The following DCUN1D2 variants were observed in gnomAD, a reference collection of about 807,000 sequenced individuals.
DCUN1D2 encodes the protein defective in cullin neddylation 1 domain containing 2.
DCUN1D2 carries 29 observed loss-of-function variants against 30.9 expected under a neutral mutation model. That is an observed-to-expected ratio of 0.94 (90% confidence interval 0.70 to 1.28). The LOEUF (loss-of-function observed/expected upper bound fraction) is 1.28, where lower values mean the gene tolerates loss of function less well. Among genes scored for constraint, DCUN1D2 ranks in the 50% most tolerant of loss-of-function variants. The pLI, the probability that DCUN1D2 is intolerant of heterozygous loss-of-function variation, is 0.00. For missense variants in DCUN1D2, 325 were observed against 316.9 expected (o/e 1.03, Z -0.19); for synonymous variants, 121 against 115.3 (o/e 1.05, Z -0.32).
At chr13:113,460,167 G>A (rs2044295507) in intron 5 of DCUN1D2, among the ~76,000 whole-genome samples, 1 of 152,170 alleles carries the variant, frequency 6.6e-6, no homozygotes, top group Non-Finnish European at 1.5e-5. Context: ...TCTCTCCATG[G>A]CAAACCCACA....
In DCUN1D2 at chr13:113,490,483, C is replaced by T; in HGVS notation, c.3+184G>A. The T allele has an allele frequency of 3.3e-6, 2 of 610,874 alleles. No individual in the cohort carries two copies. Among genetic ancestry groups the T allele is most frequent in the Non-Finnish European group, 4.7e-6 (2 of 421,934 alleles). The allele number at this position is 610,874 out of a possible 1,614,324, so 37.8% of individuals were successfully genotyped here. A position where few individuals can be genotyped will look rare whatever the true frequency, so the allele number is the denominator to read the frequency against. ...GTCAAACCCGCGCTCCCCGCGGTCC[C>T]GCGCCTCCGACGCCACCGCTCCGGC... On this transcript the variant is annotated intron_variant, in intron 1 of 6. Coordinates refer to ENST00000478244, the MANE Select transcript of DCUN1D2 (RefSeq NM_001014283.2). This position sits in a 1 kb window ranked among gnomAD's most constrained non-coding sequence, Gnocchi z 5.2.
intron 2 of DCUN1D2, among the ~76,000 whole-genome samples, chr13:113,482,936 C>T (rs751138347): frequency 5.3e-5 from 8 of 151,954 alleles, no homozygotes; most frequent in Non-Finnish European, 1.2e-4. Context: ...AGCAAGACTC[C>T]GTCACATAAA....
At chr13:113,472,206 A>T (rs2044531095) in intron 4 of DCUN1D2, among the ~76,000 whole-genome samples, 1 of 152,176 alleles carries the variant, frequency 6.6e-6, no homozygotes, top group Non-Finnish European at 1.5e-5. Flanking sequence ...GGAGAAGGGA[A>T]ACACAGCTGC....
In DCUN1D2 at chr13:113,490,363, G is replaced by T; in HGVS notation, c.3+304C>A. ...GCCGCCCTGGGAAGCCCCCGGCCTG[G>T]GTTCCCGCTCGGCCCCGGCCCCTGC... On this transcript the variant is annotated intron_variant, in intron 1 of 6. Transcript: ENST00000478244. The surrounding 1 kb of genome is among the most constrained non-coding windows in gnomAD (Gnocchi z 5.2). 3.5e-6 allele frequency: 1 copy of T among 282,550 alleles called. No individual in the cohort carries two copies. Among genetic ancestry groups the T allele is most frequent in the Non-Finnish European group, 6.6e-6 (1 of 152,220 alleles). The allele number at this position is 282,550 out of a possible 1,614,324, so 17.5% of individuals were successfully genotyped here. A position where few individuals can be genotyped will look rare whatever the true frequency, so the allele number is the denominator to read the frequency against.
chr13:113,486,898 C>G (rs1340696936), intron 1 of DCUN1D2, among the ~76,000 whole-genome samples: 1 of 152,248 alleles, frequency 6.6e-6, no homozygotes, highest in Non-Finnish European at 1.5e-5. Context: ...GTTGCCAAAG[C>G]AGACAGCCGT....
At chr13:113,489,111 T>G in intron 1 of DCUN1D2, 2 of 985,420 alleles carry the variant, frequency 2.0e-6, no homozygotes, top group Non-Finnish European at 2.4e-6. Flanking sequence ...GGGCCAATCA[T>G]GTTGATCGAA....
rs2139754135 is a variant in DCUN1D2, at chr13:113,488,466, TGA to T, written c.3+2199_3+2200del. Among the ~76,000 whole-genome samples the T allele has an allele frequency of 6.6e-6, 1 of 152,366 alleles. No homozygotes were observed. Among genetic ancestry groups the T allele is most frequent in the Non-Finnish European group, 1.5e-5 (1 of 68,048 alleles). ...TAGGTGCTTCATGTCCAAAAGTGACTGAGAGACCCAAGTTACCTCTTGTGAAA... is the reference window on the plus strand; with the variant it reads ...TAGGTGCTTCATGTCCAAAAGTGACTGAGACCCAAGTTACCTCTTGTGAAA... On this transcript the variant is annotated intron_variant, in intron 1 of 6. Coordinates refer to ENST00000478244, the MANE Select transcript of DCUN1D2 (RefSeq NM_001014283.2). This position sits in a 1 kb window ranked among gnomAD's most constrained non-coding sequence, Gnocchi z 4.3.
intron 2 of DCUN1D2, among the ~76,000 whole-genome samples, chr13:113,482,412 T>G (rs550362426): frequency 1.3e-5 from 2 of 152,222 alleles, no homozygotes; most frequent in African/African-American, 2.4e-5. Flanking sequence ...GCATATGACT[T>G]ACAAAATTAG....
chr13:113,462,961 C>CTAAAAA, intron 4 of DCUN1D2: 1 of 986,268 alleles, frequency 1.0e-6, no homozygotes, highest in South Asian at 2.2e-5. Flanking sequence ...AGTTTTGGTG[C>CTAAAAA]TAAAAACTTT....
chr13:113,464,726 C>G lies in DCUN1D2; in HGVS notation c.521-3590G>C, dbSNP rs140506276. Among the ~76,000 whole-genome samples, 758 of 152,348 alleles carry G rather than the reference C, an allele frequency of 5.0e-3. 3 individuals are homozygous for G. Among genetic ancestry groups the G allele is most frequent in the African/African-American group, 0.018 (732 of 41,582 alleles). Reference sequence around the variant, plus strand: ...TGGGAGGCCATGGCGGAGAGCAGCACGGATGGAAGAGAAAGGCCACTCAGC... The same window carrying G: ...TGGGAGGCCATGGCGGAGAGCAGCAGGGATGGAAGAGAAAGGCCACTCAGC... On this transcript the variant is annotated intron_variant, in intron 4 of 6. Coordinates refer to ENST00000478244, the MANE Select transcript of DCUN1D2 (RefSeq NM_001014283.2).
At chr13:113,472,738 G>A (rs1010335196) in intron 4 of DCUN1D2, among the ~76,000 whole-genome samples, 5 of 152,186 alleles carry the variant, frequency 3.3e-5, no homozygotes, top group Non-Finnish European at 7.3e-5. Context: ...TGGAGGTCTC[G>A]ACACTGCTGG....
In DCUN1D2 at chr13:113,457,674, G is replaced by A. The variant is rs1260873043; in HGVS notation, c.*355C>T. On this transcript the variant is annotated 3_prime_UTR_variant, in exon 7 of 7. Transcript: ENST00000478244. ...CAACGTCATTCGGCGGGACGCTGCC[G>A]GACGCTGGTTCGCCTGACGCGCGAG... The A allele has an allele frequency of 4.1e-5, 7 of 168,872 alleles. No homozygotes were observed. Among genetic ancestry groups the A allele is most frequent in the Non-Finnish European group, 8.8e-5 (7 of 79,370 alleles). The allele number at this position is 168,872 out of a possible 1,614,324, so 10.5% of individuals were successfully genotyped here.
intron 3 of DCUN1D2, among the ~76,000 whole-genome samples, chr13:113,478,588 T>G (rs1461125699): frequency 6.6e-6 from 1 of 152,164 alleles, no homozygotes; most frequent in Non-Finnish European, 1.5e-5. Flanking sequence ...ATTTTCAGCC[T>G]TTCCTTCTTT....
At chr13:113,466,845 C>T (rs923374486) in intron 4 of DCUN1D2, among the ~76,000 whole-genome samples, 10 of 138,734 alleles carry the variant, frequency 7.2e-5, no homozygotes, top group East Asian at 6.2e-4. Context: ...CCTGCTCTGT[C>T]GCCCAGGCTG....
At chr13:113,487,630 A>T (rs1209327144) in intron 1 of DCUN1D2, among the ~76,000 whole-genome samples, 1 of 152,248 alleles carries the variant, frequency 6.6e-6, no homozygotes, top group African/African-American at 2.4e-5. Context: ...GATTTCACTT[A>T]TATGAAATAT....
At chr13:113,462,070 T>G (rs1484631932) in intron 4 of DCUN1D2, among the ~76,000 whole-genome samples, 3 of 151,422 alleles carry the variant, frequency 2.0e-5, no homozygotes, top group African/African-American at 7.3e-5. Flanking sequence ...CTGACCAACA[T>G]GGAGAAACCC....
Position 113,479,484 on chromosome 13 carries a change from T to C in DCUN1D2, c.389+1091A>G, listed in dbSNP as rs373309702. 1.2e-4 allele frequency among the ~76,000 whole-genome samples: 19 copies of C among 152,296 alleles called. No homozygotes were observed. In the South Asian group the frequency reaches 3.9e-3, roughly 32 times the overall value. ...AAAAATCCATCTGGGCCAGGCACGGTGGCTCCCGCCTGTAATCCCAGCACT... is the reference window on the plus strand; with the variant it reads ...AAAAATCCATCTGGGCCAGGCACGGCGGCTCCCGCCTGTAATCCCAGCACT... On this transcript the variant is annotated intron_variant, in intron 3 of 6. Coordinates refer to ENST00000478244, the MANE Select transcript of DCUN1D2 (RefSeq NM_001014283.2).
At chr13:113,484,196 T>A (rs923230402) in intron 1 of DCUN1D2, 140 bp from the exon 2 acceptor site, 30 of 1,456,568 alleles carry the variant, frequency 2.1e-5, no homozygotes, top group Non-Finnish European at 2.6e-5. Context: ...TGCACAGTCT[T>A]CTGAAAATGG....
chr13:113,479,137 T>G (rs1248513600), intron 3 of DCUN1D2: 1 of 152,250 alleles, frequency 6.6e-6, no homozygotes, highest in Non-Finnish European at 1.5e-5. Context: ...TTCTAAATGT[T>G]CTCCTAGGCC....
Sources: allele counts gnomAD v4.1 joint callset (sites outside exome capture counted in the v4.1 genomes callset), GRCh38; gene constraint gnomAD v4.1.1; non-coding constraint Gnocchi (gnomAD v3.1); transcripts MANE v1.5; gene names NCBI Gene and HGNC (gene_info 2026-07-23, HGNC 2026-07-21).